BUD31: variants seen among roughly 807,000 people sequenced by gnomAD.
The protein encoded by BUD31 is BUD31 spliceosome associated protein, also known as protein BUD31 homolog.
In BUD31, 9 loss-of-function variants were observed where a neutral mutation model predicts 17.9. That is an observed-to-expected ratio of 0.50 (90% CI 0.30 to 0.88). The LOEUF is 0.88. BUD31 is among the 40% of genes least tolerant of loss of function. BUD31 has a pLI of 0.06. For missense variants in BUD31, 148 were observed against 184.5 expected, an observed-to-expected ratio of 0.80 and a Z score of 1.15; for synonymous variants, 70 against 64.7, an observed-to-expected ratio of 1.08 and a Z score of -0.39.
chr7:99,411,458 A>G (rs980283384), intron 3 of BUD31, among the ~76,000 whole-genome samples: 4 of 152,152 alleles, frequency 2.6e-5, no homozygotes, highest in African/African-American at 9.7e-5. Flanking sequence ...TAGTCTACCT[A>G]TAGTTATTTA....
At chr7:99,416,934 T>C (rs1302507898) in intron 4 of BUD31, 4 of 162,206 alleles carry the variant, frequency 2.5e-5, no homozygotes, top group Non-Finnish European at 5.4e-5. Context: ...GGCTGGTTTC[T>C]TAACTCAAAT....
intron 2 of BUD31, 119 bp from the exon 3 acceptor site, chr7:99,410,945 C>A: frequency 3.1e-6 from 2 of 647,554 alleles, no homozygotes; most frequent in Non-Finnish European, 5.5e-6. Context: ...GGGTGCTGAG[C>A]CCTGTCCCAT....
At chr7:99,411,861 C>T in intron 3 of BUD31, 2 of 361,548 alleles carry the variant, frequency 5.5e-6, no homozygotes, top group Non-Finnish European at 5.4e-6. Context: ...CATGCGCCAC[C>T]ATGCCCGGCT....
chr7:99,412,414 T>G (rs2150920912), intron 3 of BUD31, among the ~76,000 whole-genome samples: 1 of 152,242 alleles, frequency 6.6e-6, no homozygotes, highest in East Asian at 1.9e-4. Flanking sequence ...GACAGAAGTA[T>G]TCTTTGTTCT....
At chr7:99,414,601 T>C (rs574952727) in intron 3 of BUD31, among the ~76,000 whole-genome samples, 1 of 152,058 alleles carries the variant, frequency 6.6e-6, no homozygotes, top group Non-Finnish European at 1.5e-5. Context: ...CATTCCCTTT[T>C]TTTTCTTTTT....
intron 3 of BUD31, among the ~76,000 whole-genome samples, chr7:99,413,724 T>C (rs1021090091): frequency 6.6e-6 from 1 of 152,166 alleles, no homozygotes; most frequent in African/African-American, 2.4e-5. Context: ...CCCGAGTAAC[T>C]GGGATTACAG....
Position 99,411,120 on chromosome 7 carries a change from G to C in BUD31, c.28G>C (p.Ala10Pro). 6.2e-7 allele frequency: 1 copy of C among 1,614,150 alleles called. No individual in the cohort carries two copies. The highest frequency in any genetic ancestry group is 1.1e-5 in the South Asian group (1 of 91,064). The change falls in exon 3 of 6, where the codon GCA becomes CCA. Residue 10 changes from alanine (A) to proline (P), a missense_variant. Physicochemically the swap from Ala to Pro is conservative, Grantham distance 27. Coordinates refer to ENST00000222969, the MANE Select transcript of BUD31 (RefSeq NM_003910.4). ...GCCTAAAGTCAAAAGAAGCCGGAAA[G>C]CACCCCCAGATGGCTGGGAGTTGAT... MPKVKRSRK[A>P]PPDGWELIEP... is the part of the protein sequence containing the mutation.
At chr7:99,415,569 C>G (rs572910569) in intron 3 of BUD31, among the ~76,000 whole-genome samples, 152 of 152,134 alleles carry the variant, frequency 1.0e-3, no homozygotes, top group African/African-American at 3.6e-3. Flanking sequence ...AGAGTCTTCT[C>G]TAAACTCCCC....
At chr7:99,417,026 T>C (rs906096057) in intron 4 of BUD31, 1 of 163,360 alleles carries the variant, frequency 6.1e-6, no homozygotes, top group African/African-American at 2.4e-5. Context: ...TTTTTTTTTG[T>C]TCCTCCTCCA....
intron 3 of BUD31, chr7:99,411,747 C>CGAA (rs1795195406): frequency 2.2e-6 from 1 of 455,090 alleles, no homozygotes; most frequent in Non-Finnish European, 4.4e-6. Context: ...CTCTGTCTTC[C>CGAA]AGGCTGCAGT....
At chr7:99,412,484 A>G (rs1795228317) in intron 3 of BUD31, among the ~76,000 whole-genome samples, 1 of 152,218 alleles carries the variant, frequency 6.6e-6, no homozygotes, top group African/African-American at 2.4e-5. Context: ...GCTGGAGTGC[A>G]GTGGTTCAAT....
At chr7:99,416,421 TTTTGTTTG>T in intron 4 of BUD31, 161 bp downstream of exon 4, 2 of 890,526 alleles carry the variant, frequency 2.2e-6, no homozygotes, top group Non-Finnish European at 3.3e-6. Context: ...TGTGTTTGTT[TTTTGTTTG>T]TTTGTTTTGA....
At chr7:99,415,701 C>T (rs1051956538) in intron 3 of BUD31, among the ~76,000 whole-genome samples, 32 of 152,278 alleles carry the variant, frequency 2.1e-4, no homozygotes, top group African/African-American at 7.0e-4. Context: ...CTGGCGTTAC[C>T]GCTAGACCAA....
At chr7:99,413,999 A>G (rs1795287182) in intron 3 of BUD31, among the ~76,000 whole-genome samples, 1 of 152,362 alleles carries the variant, frequency 6.6e-6, no homozygotes, top group African/African-American at 2.4e-5. Context: ...TAATGTGCCA[A>G]CGTTGTGACA....
Position 99,417,470 on chromosome 7 carries a change from A to C in BUD31, c.259A>C (p.Asn87His). The stretch of plus-strand genomic sequence containing the variant: ...TATTAAAGAAGGCTATGCAGACAAA[A>C]ACCTGATTGCAAAATGGAAAAAGCA... ...YCIKEGYADK[N>H]LIAKWKKQGY... Residue 87 changes from asparagine to histidine, a missense_variant, in exon 5 of 6, where the codon AAC (asparagine) becomes CAC (histidine). Coordinates refer to ENST00000222969, the MANE Select transcript of BUD31 (RefSeq NM_003910.4). 1 of 1,612,690 alleles carries C rather than the reference A, an allele frequency of 6.2e-7. No individual in the cohort carries two copies. The highest frequency in any genetic ancestry group is 8.5e-7 in the Non-Finnish European group (1 of 1,179,430).
At position 99,416,270 on chromosome 7, in the gene BUD31, C is replaced by T; in HGVS notation, c.217+10C>T. On this transcript the variant is annotated intron_variant, in intron 4 of 5. Transcript: ENST00000222969. ...AAAGCCATCAGCAGAGGTAATTAGT[C>T]AGTCTCTCTTGGACTTTGAAGCTCG... is the stretch of plus-strand genomic sequence containing the variant. 6.2e-7 allele frequency: 1 copy of T among 1,612,696 alleles called. No individual in the cohort carries two copies.
In BUD31 at chr7:99,417,485, T is replaced by A; in HGVS notation, c.274T>A (p.Trp92Arg). 2 of 1,610,924 alleles carry A rather than the reference T, an allele frequency of 1.2e-6. No homozygotes were observed. The highest frequency in any genetic ancestry group is 1.7e-6 in the Non-Finnish European group (2 of 1,178,682). Residue 92 changes from tryptophan (W) to arginine (R), a missense_variant, in exon 5 of 6, where the codon TGG becomes AGG. Physicochemically the swap from Trp to Arg is moderately radical, Grantham distance 101 (BLOSUM62 -3). Transcript: ENST00000222969. ...GYADKNLIAKWKKQGYENLCC... is the reference protein window; with the variant it reads ...GYADKNLIAKRKKQGYENLCC... ...TGCAGACAAAAACCTGATTGCAAAA[T>A]GGAAAAAGCAAGGATATGAGAACTT...
Position 99,411,056 on chromosome 7 carries a change from T to G in BUD31, c.-29-8T>G, listed in dbSNP as rs749227402. 6.4e-7 allele frequency: 1 copy of G among 1,568,894 alleles called. No individual in the cohort carries two copies. The highest frequency in any genetic ancestry group is 1.4e-5 in the African/African-American group (1 of 73,908). On this transcript the variant is annotated splice_region_variant and splice_polypyrimidine_tract_variant and intron_variant, in intron 2 of 5. Transcript: ENST00000222969. ...AGACTCAGAAACCAATTCATTTTTT[T>G]CCCCCAGATCTTTGCAGATTATCCT...
At chr7:99,415,046 G>T (rs1481030688) in intron 3 of BUD31, 1 of 298,414 alleles carries the variant, frequency 3.4e-6, no homozygotes, top group Non-Finnish European at 6.6e-6. Context: ...ATAGTCATCT[G>T]TAGGGTCCAG....
Sources: allele counts gnomAD v4.1 joint callset (sites outside exome capture counted in the v4.1 genomes callset), GRCh38; gene constraint gnomAD v4.1.1; transcripts MANE v1.5; gene names NCBI Gene and HGNC (gene_info 2026-07-23, HGNC 2026-07-21).